KHDRBS2: variants seen among roughly 807,000 people sequenced by gnomAD.
The protein encoded by KHDRBS2 is KH RNA binding domain containing, signal transduction associated 2, also known as KH domain-containing, RNA-binding, signal transduction-associated protein 2.
A neutral mutation model predicts 44.3 loss-of-function variants in KHDRBS2; 26 were observed. That is an observed-to-expected ratio of 0.59 (90% CI 0.43 to 0.81). The LOEUF is 0.81. KHDRBS2 is among the 40% of genes least tolerant of loss of function. The probability of loss-of-function intolerance (pLI) is 0.00; values close to 1 mark genes in which losing one functional copy is unlikely to be tolerated. For missense variants in KHDRBS2, 476 were observed against 433.1 expected (o/e 1.10, Z -0.88); for synonymous variants, 194 against 151.1 (o/e 1.28, Z -2.08).
intron 7 of KHDRBS2, among the ~76,000 whole-genome samples, chr6:61,714,774 T>A (rs1401822621): frequency 2.0e-5 from 3 of 151,892 alleles, no homozygotes; most frequent in Non-Finnish European, 4.4e-5. Context: ...GAGGCTACTA[T>A]CTTAAGTGAA....
intron 6 of KHDRBS2, among the ~76,000 whole-genome samples, chr6:61,803,531 T>A (rs1456354536): frequency 6.6e-6 from 1 of 152,188 alleles, no homozygotes; most frequent in Non-Finnish European, 1.5e-5. Flanking sequence ...ACACATATTA[T>A]CTCATTTAAT....
chr6:61,790,407 TAAA>T lies in KHDRBS2; in HGVS notation c.811-57646_811-57644del, dbSNP rs60297993. Among the ~76,000 whole-genome samples the T allele has an allele frequency of 3.4e-3, 481 of 139,760 alleles. 2 individuals carry two copies. The highest frequency in any genetic ancestry group is 5.5e-3 in the Non-Finnish European group (346 of 63,314). The allele number at this position is 139,760 out of a possible 152,430, so 91.7% of individuals were successfully genotyped here. ...TTCACAGTACACCTTACTTGGGACT[TAAA>T]AAAAAAAAAAAACAGCAGAGGCAGA... On this transcript the variant is annotated intron_variant, in intron 6 of 8. Coordinates refer to ENST00000281156, the MANE Select transcript of KHDRBS2 (RefSeq NM_152688.4).
At chr6:62,105,724 A>T (rs2127377976) in intron 2 of KHDRBS2, among the ~76,000 whole-genome samples, 1 of 152,154 alleles carries the variant, frequency 6.6e-6, no homozygotes, top group African/African-American at 2.4e-5. Flanking sequence ...CTTTCAAAAA[A>T]CCAGCTCCTG....
the KHDRBS2 span, among the ~76,000 whole-genome samples, chr6:61,571,937 C>G: frequency 6.6e-6 from 1 of 151,790 alleles, no homozygotes; most frequent in South Asian, 2.1e-4. Flanking sequence ...AAACCAAACC[C>G]AAATCAGCAG....
intron 1 of KHDRBS2, among the ~76,000 whole-genome samples, chr6:62,191,319 C>T (rs941713805): frequency 3.3e-5 from 5 of 152,056 alleles, no homozygotes; most frequent in African/African-American, 9.7e-5. Context: ...TCTGAGCAAA[C>T]GATACTCTCA....
At chr6:61,722,331 T>G (rs1346887789) in intron 7 of KHDRBS2, among the ~76,000 whole-genome samples, 1 of 152,188 alleles carries the variant, frequency 6.6e-6, no homozygotes, top group Non-Finnish European at 1.5e-5. Flanking sequence ...TTTCCTGAAC[T>G]AGCAATACCT....
intron 3 of KHDRBS2, among the ~76,000 whole-genome samples, chr6:61,983,275 C>A (rs2127406367): frequency 1.2e-5 from 1 of 80,322 alleles, no homozygotes; most frequent in Non-Finnish European, 2.3e-5. Context: ...CTAAGTCTCA[C>A]TATGTTGCCC....
chr6:61,708,834 A>T (rs1770013364), intron 7 of KHDRBS2, among the ~76,000 whole-genome samples: 1 of 151,726 alleles, frequency 6.6e-6, no homozygotes, highest in African/African-American at 2.4e-5. Flanking sequence ...AGACAAGAAA[A>T]GACCATAGTC....
chr6:61,694,513 A>T (rs1310522335), intron 8 of KHDRBS2, among the ~76,000 whole-genome samples: 3 of 152,196 alleles, frequency 2.0e-5, no homozygotes, highest in Non-Finnish European at 4.4e-5. Context: ...CATCCTGTGT[A>T]ACCAATTGTA....
chr6:62,200,733 G>T (rs1168165395), intron 1 of KHDRBS2, among the ~76,000 whole-genome samples: 1 of 152,146 alleles, frequency 6.6e-6, no homozygotes, highest in Admixed American at 6.5e-5. Context: ...TCCCATTACT[G>T]GGTATATACC....
chr6:62,182,884 C>G (rs1347712386), intron 1 of KHDRBS2, among the ~76,000 whole-genome samples: 1 of 151,742 alleles, frequency 6.6e-6, no homozygotes, highest in Non-Finnish European at 1.5e-5. Flanking sequence ...ATTTAATACT[C>G]TTTCTGAAAA....
intron 8 of KHDRBS2, among the ~76,000 whole-genome samples, chr6:61,681,418 A>C (rs1766280902): frequency 6.6e-6 from 1 of 151,896 alleles, no homozygotes; most frequent in Non-Finnish European, 1.5e-5. Flanking sequence ...AATATTAAAC[A>C]ATCAAAATAA....
At chr6:61,572,282 A>T in the KHDRBS2 span, among the ~76,000 whole-genome samples, 1 of 152,124 alleles carries the variant, frequency 6.6e-6, no homozygotes. Context: ...GAAATAAAAA[A>T]ATCTGAACAA....
At chr6:61,546,261 G>A in the KHDRBS2 span, among the ~76,000 whole-genome samples, 2 of 151,506 alleles carry the variant, frequency 1.3e-5, no homozygotes, top group Admixed American at 6.6e-5. Context: ...CAAATATTAA[G>A]TATATTATAA....
intron 2 of KHDRBS2, among the ~76,000 whole-genome samples, chr6:62,060,080 G>C (rs1481615257): frequency 6.6e-6 from 1 of 151,852 alleles, no homozygotes; most frequent in South Asian, 2.1e-4. Flanking sequence ...GGGGACAGGA[G>C]AGAAGGGTGC....
intron 7 of KHDRBS2, among the ~76,000 whole-genome samples, chr6:61,719,288 C>T (rs900407383): frequency 7.9e-5 from 12 of 151,978 alleles, no homozygotes; most frequent in Admixed American, 5.9e-4. Flanking sequence ...TGCAATATTG[C>T]CACTTGTATC....
At chr6:61,839,187 T>C (rs1562277073) in intron 6 of KHDRBS2, among the ~76,000 whole-genome samples, 2 of 152,108 alleles carry the variant, frequency 1.3e-5, no homozygotes, top group Non-Finnish European at 2.9e-5. Flanking sequence ...TCTTAAATAA[T>C]TGTTCATCTT....
At chr6:61,958,784 G>A (rs1767992631) in intron 4 of KHDRBS2, among the ~76,000 whole-genome samples, 1 of 152,014 alleles carries the variant, frequency 6.6e-6, no homozygotes, top group African/African-American at 2.4e-5. Context: ...TTTATTCTCT[G>A]CTCTGTTGAG....
At chr6:62,026,223 A>T (rs1275793347) in intron 3 of KHDRBS2, among the ~76,000 whole-genome samples, 35 of 151,514 alleles carry the variant, frequency 2.3e-4, no homozygotes, top group Non-Finnish European at 4.1e-4. Context: ...AGAATTCTAT[A>T]ACACTTTCCC....
Sources: allele counts gnomAD v4.1 joint callset (sites outside exome capture counted in the v4.1 genomes callset), GRCh38; gene constraint gnomAD v4.1.1; transcripts MANE v1.5; gene names NCBI Gene and HGNC (gene_info 2026-07-23, HGNC 2026-07-21).